HSPA1L: variants seen among roughly 807,000 people sequenced by gnomAD.
The protein encoded by HSPA1L is heat shock 70 kDa protein 1-like.
HSPA1L carries 21 observed loss-of-function variants against 31.5 expected under a neutral mutation model. The ratio of observed to expected loss-of-function variants is 0.67; its 90% CI spans 0.47 to 0.96. The LOEUF (loss-of-function observed/expected upper bound fraction) is 0.96. HSPA1L is among the 40% of genes least tolerant of loss of function. HSPA1L has a pLI of 0.00. For missense variants in HSPA1L, 709 were observed against 813.4 expected, an observed-to-expected ratio of 0.87 and a Z score of 1.56; for synonymous variants, 293 against 323.1, an observed-to-expected ratio of 0.91 and a Z score of 1.00.
chr6:31,813,736 G>A (rs1815610502), intron 1 of HSPA1L, among the ~76,000 whole-genome samples: 1 of 152,112 alleles, frequency 6.6e-6, no homozygotes, highest in African/African-American at 2.4e-5. Context: ...TTTTGGACAG[G>A]GTAGACAAAA....
Position 31,809,956 on chromosome 6 carries a change from C to G in HSPA1L, c.*91G>C. 8.9e-7 allele frequency: 1 copy of G among 1,118,962 alleles called. No homozygotes were observed. Among genetic ancestry groups the G allele is most frequent in the Non-Finnish European group, 1.2e-6 (1 of 842,064 alleles). 69.3% of individuals were successfully genotyped at this position (1,118,962 alleles called of 1,614,324 possible). A position where few individuals can be genotyped will look rare whatever the true frequency, so the allele number is the denominator to read the frequency against. Reference sequence around the variant, plus strand: ...TTTCCAAGGGATGGTAACTTAGATTCAGGTCTGGTCAAGAATAATAATGAT... The same window carrying G: ...TTTCCAAGGGATGGTAACTTAGATTGAGGTCTGGTCAAGAATAATAATGAT... On this transcript the variant is annotated 3_prime_UTR_variant, in exon 2 of 2. Transcript: ENST00000375654.
At chr6:31,814,795 G>A (rs1815757821) in intron 1 of HSPA1L, 94 bp downstream of exon 1, 1 of 639,444 alleles carries the variant, frequency 1.6e-6, no homozygotes, top group African/African-American at 2.0e-5. Context: ...CATACCTCAG[G>A]CTTAAACCAA....
Position 31,810,275 on chromosome 6 carries a change from C to T in HSPA1L, c.1698G>A (p.Glu566=). The T allele has an allele frequency of 6.5e-7, 1 of 1,531,960 alleles. No individual in the cohort carries two copies. The highest frequency in any genetic ancestry group is 8.8e-7 in the Non-Finnish European group (1 of 1,142,054). The allele number at this position is 1,531,960 out of a possible 1,614,324, so 94.9% of individuals were successfully genotyped here. ...TATCCAATATTTTATTTTTATCAGA[C>T]TCACTAATCTTGCCCTTCAAACCTT... ...SDEGLKGKIS[E]SDKNKILDKC... is the part of the protein sequence containing the mutation. The change falls in exon 2 of 2, where the codon GAG becomes GAA. Residue 566 remains glutamate (E), a synonymous_variant. Coordinates refer to ENST00000375654, the MANE Select transcript of HSPA1L (RefSeq NM_005527.4).
intron 1 of HSPA1L, among the ~76,000 whole-genome samples, chr6:31,814,129 C>CGGG (rs558722176): frequency 6.6e-6 from 1 of 152,092 alleles, no homozygotes; most frequent in East Asian, 1.9e-4. Flanking sequence ...GGTTTAAGGG[C>CGGG]GGGGGGCGGT....
In HSPA1L at chr6:31,815,127, C is replaced by T; in HGVS notation, c.-252G>A. 1 of 609,178 alleles carries T rather than the reference C, an allele frequency of 1.6e-6. No individual in the cohort carries two copies. The highest frequency in any genetic ancestry group is 2.1e-6 in the Non-Finnish European group (1 of 478,526). 37.7% of individuals were successfully genotyped at this position (609,178 alleles called of 1,614,324 possible). A position where few individuals can be genotyped will look rare whatever the true frequency, so the allele number is the denominator to read the frequency against. On this transcript the variant is annotated 5_prime_UTR_variant, in exon 1 of 2. Coordinates refer to ENST00000375654, the MANE Select transcript of HSPA1L (RefSeq NM_005527.4). ...CGGGCGGTGTCAACACAAACGCCCC[C>T]ACCCTCCCCTGGACGCGCGTAACCC... is the stretch of plus-strand genomic sequence containing the variant.
rs1815306223 is a variant in HSPA1L, at chr6:31,810,184, T to G, written c.1789A>C (p.Lys597Gln). ...CACATCTGCTCCAATTCCTTTCTCT[T>G]ATGATCAAACTCATCTTTCTCTGCC... ...QLAEKDEFDH[K>Q]RKELEQMCNP... Residue 597 changes from lysine to glutamine, a missense_variant, in exon 2 of 2, where the codon AAG becomes CAG. Coordinates refer to ENST00000375654, the MANE Select transcript of HSPA1L (RefSeq NM_005527.4). 2.6e-6 allele frequency: 4 copies of G among 1,529,270 alleles called. No individual in the cohort carries two copies. The highest frequency in any genetic ancestry group is 3.5e-6 in the Non-Finnish European group (4 of 1,143,574). 94.7% of individuals were successfully genotyped at this position (1,529,270 alleles called of 1,614,324 possible). A position where few individuals can be genotyped will look rare whatever the true frequency, so the allele number is the denominator to read the frequency against.
chr6:31,809,995 G>T lies in HSPA1L; in HGVS notation c.*52C>A. On this transcript the variant is annotated 3_prime_UTR_variant, in exon 2 of 2. Transcript: ENST00000375654. ...AATAATAATGATGTTTGAAGATGAGGGGAATGAAATACATGTAGAGGCATC... is the reference window on the plus strand; with the variant it reads ...AATAATAATGATGTTTGAAGATGAGTGGAATGAAATACATGTAGAGGCATC... The T allele has an allele frequency of 7.9e-7, 1 of 1,269,770 alleles. No individual in the cohort carries two copies. The highest frequency in any genetic ancestry group is 1.0e-6 in the Non-Finnish European group (1 of 991,000). 78.7% of individuals were successfully genotyped at this position (1,269,770 alleles called of 1,614,324 possible). A position where few individuals can be genotyped will look rare whatever the true frequency, so the allele number is the denominator to read the frequency against.
Position 31,809,645 on chromosome 6 carries a change from T to A in HSPA1L, c.*402A>T, listed in dbSNP as rs1414756174. On this transcript the variant is annotated 3_prime_UTR_variant, in exon 2 of 2. Coordinates refer to ENST00000375654, the MANE Select transcript of HSPA1L (RefSeq NM_005527.4). ...ACTTTACCCTTACCAATTTAATCAT[T>A]CACAGTGACCTCACAATCAGAGAAC... 5.3e-6 allele frequency: 1 copy of A among 190,456 alleles called. No homozygotes were observed. The highest frequency in any genetic ancestry group is 1.1e-5 in the Non-Finnish European group (1 of 94,318). The allele number at this position is 190,456 out of a possible 1,614,324, so 11.8% of individuals were successfully genotyped here.
chr6:31,814,431 C>A (rs575469687), intron 1 of HSPA1L, among the ~76,000 whole-genome samples: 1 of 150,914 alleles, frequency 6.6e-6, no homozygotes, highest in Non-Finnish European at 1.5e-5. Flanking sequence ...ATGGCCTGAA[C>A]TCGGGAGGCA....
Position 31,811,643 on chromosome 6 carries a change from T to C in HSPA1L, c.330A>G (p.Lys110=). The C allele has an allele frequency of 6.2e-7, 1 of 1,614,222 alleles. No individual in the cohort carries two copies. The highest frequency in any genetic ancestry group is 8.5e-7 in the Non-Finnish European group (1 of 1,180,032). Residue 110 remains lysine (K), a synonymous_variant, in exon 2 of 2, where the codon AAA becomes AAG. Transcript: ENST00000375654. ...GGKPKVLVSY[K]GENKAFYPEE... ...CAGGGTAGAAAGCTTTATTCTCCCC[T>C]TTGTAGGACACAAGGACTTTGGGCT...
chr6:31,814,814 C>T (rs1305565761), intron 1 of HSPA1L, 75 bp downstream of exon 1: 2 of 834,054 alleles, frequency 2.4e-6, no homozygotes, highest in Non-Finnish European at 2.9e-6. Context: ...AACTAGGGAA[C>T]TTTCCAGTAC....
chr6:31,812,177 G>T (rs1196519527), intron 1 of HSPA1L, among the ~76,000 whole-genome samples, 192 bp from the exon 2 acceptor site: 1 of 149,458 alleles, frequency 6.7e-6, no homozygotes, highest in East Asian at 2.0e-4. Flanking sequence ...CAACATGCCC[G>T]GCTAATTTTT....
In HSPA1L at chr6:31,811,248, T is replaced by G; in HGVS notation, c.725A>C (p.His242Pro). 1 of 1,614,142 alleles carries G rather than the reference T, an allele frequency of 6.2e-7. No individual in the cohort carries two copies. Among genetic ancestry groups the G allele is most frequent in the South Asian group, 1.1e-5 (1 of 91,090 alleles). Reference sequence around the variant, plus strand: ...TTTCCTCTTGAACTCCTCCACGAAGTGGCTCACAAGCCTGTTGTCAAAGTC... The same window carrying G: ...TTTCCTCTTGAACTCCTCCACGAAGGGGCTCACAAGCCTGTTGTCAAAGTC... Reference protein sequence around the residue: ...GEDFDNRLVSHFVEEFKRKHK... With the variant: ...GEDFDNRLVSPFVEEFKRKHK... Residue 242 changes from histidine to proline, a missense_variant, in exon 2 of 2, where the codon CAC becomes CCC. Physicochemically the swap from His to Pro is moderately conservative, Grantham distance 77 (BLOSUM62 -2). Transcript: ENST00000375654.
At chr6:31,814,187 T>G (rs969879563) in intron 1 of HSPA1L, among the ~76,000 whole-genome samples, 5 of 152,152 alleles carry the variant, frequency 3.3e-5, no homozygotes, top group Non-Finnish European at 7.4e-5. Flanking sequence ...GGCGGGCGGA[T>G]CACGGGGTCA....
chr6:31,811,107 A>T lies in HSPA1L; in HGVS notation c.866T>A (p.Leu289His). 6.2e-7 allele frequency: 1 copy of T among 1,614,178 alleles called. No homozygotes were observed. The highest frequency in any genetic ancestry group is 8.5e-7 in the Non-Finnish European group (1 of 1,180,048). Residue 289 changes from leucine to histidine, a missense_variant, in exon 2 of 2, where the codon CTT (leucine) becomes CAT (histidine). Physicochemically the swap from Leu to His is moderately conservative, Grantham distance 99. Coordinates refer to ENST00000375654, the MANE Select transcript of HSPA1L (RefSeq NM_005527.4). ...TGTATAGAAGTCAATGCCTTCATAA[A>T]GTGAATCAATTTCTAGGTTGGCCTG... ...STQANLEIDS[L>H]YEGIDFYTSI...
chr6:31,812,500 T>C (rs933119055), intron 1 of HSPA1L, among the ~76,000 whole-genome samples: 53 of 152,124 alleles, frequency 3.5e-4, no homozygotes, highest in African/African-American at 1.3e-3. Context: ...TTTAATTTTG[T>C]GTACAGATGG....
At position 31,810,621 on chromosome 6, in the gene HSPA1L, A is replaced by G. The variant is rs1244372817; in HGVS notation, c.1352T>C (p.Met451Thr). 8 of 1,613,930 alleles carry G rather than the reference A, an allele frequency of 5.0e-6. No individual in the cohort carries two copies. The highest frequency in any genetic ancestry group is 1.3e-5 in the African/African-American group (1 of 74,840). ...CCCCAGCAGGTTGTTGTCCTTTGTC[A>G]TGGCCCTCTCGCCCTCATACACCTG... ...LIQVYEGERA[M>T]TKDNNLLGRF... The change falls in exon 2 of 2, where the codon ATG becomes ACG. Residue 451 changes from methionine (M) to threonine (T), a missense_variant. Transcript: ENST00000375654.
In HSPA1L at chr6:31,810,957, A is replaced by G. The variant is rs1302824566; in HGVS notation, c.1016T>C (p.Val339Ala). ...DKAKIHDIVL[V>A]GGSTRIPKVQ... The stretch of plus-strand genomic sequence containing the variant: ...CTTGGGGATGCGGGTGGAGCCCCCT[A>G]CTAAAACAATGTCATGGATTTTAGC... The change falls in exon 2 of 2, where the codon GTA becomes GCA. Residue 339 changes from valine (V) to alanine (A), a missense_variant. By Grantham distance (64) the Val-to-Ala change is moderately conservative (BLOSUM62 0). Transcript: ENST00000375654. 5.6e-6 allele frequency: 9 copies of G among 1,614,018 alleles called. No homozygotes were observed. Among genetic ancestry groups the G allele is most frequent in the Non-Finnish European group, 7.6e-6 (9 of 1,180,018 alleles).
At position 31,810,477 on chromosome 6, in the gene HSPA1L, T is replaced by C. The variant is rs748435926; in HGVS notation, c.1496A>G (p.Lys499Arg). The C allele has an allele frequency of 1.2e-6, 2 of 1,613,908 alleles. No homozygotes were observed. The highest frequency in any genetic ancestry group is 1.3e-5 in the African/African-American group (1 of 75,000). ...ATTGGTGATGGTGATCTTGTTCACC[T>C]TGCCGGTGCTCTTGTCCGTGGCTGT... Reference protein sequence around the residue: ...NVTATDKSTGKVNKITITNDK... With the variant: ...NVTATDKSTGRVNKITITNDK... Residue 499 changes from lysine to arginine, a missense_variant, in exon 2 of 2, where the codon AAG becomes AGG. Coordinates refer to ENST00000375654, the MANE Select transcript of HSPA1L (RefSeq NM_005527.4).
Sources: gnomAD v4.1 joint callset for allele counts (sites outside exome capture counted in the v4.1 genomes callset) on GRCh38, gnomAD v4.1.1 for gene constraint, MANE v1.5 for transcripts, NCBI Gene and HGNC (gene_info 2026-07-23, HGNC 2026-07-21) for gene names.